Variants in TCF12 observed in about 807,000 individuals in gnomAD.
The protein encoded by TCF12 is transcription factor 12, also known as DNA-binding protein HTF4.
A neutral mutation model predicts 86.0 loss-of-function variants in TCF12; 45 were observed. The observed-to-expected ratio is 0.52, with a 90% CI of 0.41 to 0.67. The LOEUF (loss-of-function observed/expected upper bound fraction) is 0.67, where lower values mean the gene tolerates loss of function less well. Among genes scored for constraint, TCF12 ranks in the 30% least tolerant of loss-of-function variants. The pLI, the probability that TCF12 is intolerant of heterozygous loss-of-function variation, is 0.00. For missense variants in TCF12, 881 were observed against 859.9 expected (o/e 1.02, Z -0.31); for synonymous variants, 330 against 299.6 (o/e 1.10, Z -1.05).
intron 3 of TCF12, among the ~76,000 whole-genome samples, chr15:56,924,847 A>C (rs957071333): frequency 6.6e-6 from 1 of 152,204 alleles, no homozygotes; most frequent in Admixed American, 6.5e-5. Context: ...AAACATAAAA[A>C]TTAGAGACAA....
intron 8 of TCF12, among the ~76,000 whole-genome samples, chr15:57,216,223 A>G (rs188280023): frequency 3.3e-5 from 5 of 152,262 alleles, no homozygotes; most frequent in Non-Finnish European, 7.4e-5. Flanking sequence ...AATAAAAGGT[A>G]TATGGCTCCA....
chr15:57,150,689 G>A (rs1159071671), intron 5 of TCF12, among the ~76,000 whole-genome samples: 1 of 152,070 alleles, frequency 6.6e-6, no homozygotes, highest in East Asian at 1.9e-4. Flanking sequence ...CAAGAGTCCA[G>A]GAAATTAGAG....
chr15:57,273,373 T>A lies in TCF12; in HGVS notation c.1978+111T>A, dbSNP rs553103241. 214 of 1,080,946 alleles carry A rather than the reference T, an allele frequency of 2.0e-4. 1 individual carries two copies. The highest frequency in any genetic ancestry group is 1.5e-3 in the African/African-American group (95 of 63,454). The allele number at this position is 1,080,946 out of a possible 1,614,324, so 67.0% of individuals were successfully genotyped here. A position where few individuals can be genotyped will look rare whatever the true frequency, so the allele number is the denominator to read the frequency against. The stretch of plus-strand genomic sequence containing the variant: ...GTTGTTTGTTATTTCTCCCAGTACT[T>A]CTTCTACTGTATCATCAGGGTCGTT... On this transcript the variant is annotated intron_variant, in intron 19 of 20. Transcript: ENST00000333725.
rs1597207391 is a variant in TCF12, at chr15:57,192,713, A to G, written c.526+420A>G. ...CTGTCTGTGCTTTTAATTAGAAGAG[A>G]GTTGGATTCGTGGGTATCACATTGA... On this transcript the variant is annotated intron_variant, in intron 7 of 20. Coordinates refer to ENST00000333725, the MANE Select transcript of TCF12 (RefSeq NM_207037.2). Among the ~76,000 whole-genome samples, 3 of 152,158 alleles carry G rather than the reference A, an allele frequency of 2.0e-5. No individual in the cohort carries two copies. In the South Asian group the frequency reaches 6.2e-4, roughly 32 times the overall value.
intron 5 of TCF12, among the ~76,000 whole-genome samples, chr15:57,118,065 G>A (rs373733495): frequency 3.9e-5 from 6 of 152,054 alleles, no homozygotes; most frequent in African/African-American, 1.4e-4. Flanking sequence ...AATTTAATTG[G>A]CTCTGCAGTG....
chr15:57,204,162 AGGCATAGT>A (rs2057696547), intron 8 of TCF12, among the ~76,000 whole-genome samples: 2 of 152,302 alleles, frequency 1.3e-5, no homozygotes, highest in South Asian at 4.1e-4. Context: ...TGATGAGGCC[AGGCATAGT>A]GGCTCACGTA....
intron 3 of TCF12, among the ~76,000 whole-genome samples, chr15:56,946,935 T>C (rs143839600): frequency 6.4e-4 from 98 of 151,972 alleles, no homozygotes; most frequent in African/African-American, 2.3e-3. Flanking sequence ...GTTGCTAGGA[T>C]TACAGGCGTA....
chr15:57,190,517 T>G (rs1183439559), intron 6 of TCF12, among the ~76,000 whole-genome samples: 1 of 152,130 alleles, frequency 6.6e-6, no homozygotes, highest in East Asian at 1.9e-4. Context: ...TCACAGTTCT[T>G]TTCACTTGAG....
intron 3 of TCF12, among the ~76,000 whole-genome samples, chr15:56,953,964 A>T (rs2061394565): frequency 1.5e-5 from 2 of 132,460 alleles, no homozygotes; most frequent in Non-Finnish European, 3.2e-5. Context: ...CTTAGTTTGG[A>T]TGTAATTTAG....
At chr15:57,120,218 C>T (rs765604725) in intron 5 of TCF12, among the ~76,000 whole-genome samples, 2 of 152,200 alleles carry the variant, frequency 1.3e-5, no homozygotes, top group Admixed American at 6.5e-5. Flanking sequence ...GAGTTTTCAA[C>T]CCATGCTTGT....
chr15:57,071,347 G>T (rs2069363849), intron 4 of TCF12, among the ~76,000 whole-genome samples: 1 of 151,922 alleles, frequency 6.6e-6, no homozygotes, highest in African/African-American at 2.4e-5. Flanking sequence ...AGGGGTTGAG[G>T]TTGTAGTGAA....
chr15:57,013,140 G>A (rs1263450422), intron 3 of TCF12, among the ~76,000 whole-genome samples: 7 of 152,084 alleles, frequency 4.6e-5, no homozygotes, highest in Non-Finnish European at 1.0e-4. Flanking sequence ...TGGCGTGGCA[G>A]TGTGTTAGGA....
At chr15:56,981,868 A>T (rs2062910839) in intron 3 of TCF12, among the ~76,000 whole-genome samples, 1 of 152,200 alleles carries the variant, frequency 6.6e-6, no homozygotes, top group South Asian at 2.1e-4. Flanking sequence ...TCTCATAAAG[A>T]TCTTCATCAT....
chr15:57,110,616 A>T (rs1043381670), intron 5 of TCF12, among the ~76,000 whole-genome samples: 3 of 152,246 alleles, frequency 2.0e-5, no homozygotes, highest in Non-Finnish European at 4.4e-5. Flanking sequence ...ATAATGCAAG[A>T]GTAGTAATGA....
At chr15:56,921,753 G>A (rs1193017476) in intron 3 of TCF12, among the ~76,000 whole-genome samples, 2 of 151,770 alleles carry the variant, frequency 1.3e-5, no homozygotes, top group Admixed American at 1.3e-4. Context: ...CTCTTTGATG[G>A]GTGCTTTTTA....
intron 8 of TCF12, chr15:57,219,034 A>C (rs567220997): frequency 9.6e-7 from 1 of 1,046,280 alleles, no homozygotes; most frequent in East Asian, 5.6e-5. Context: ...TCAAAGTTGA[A>C]GCAACTTTAG....
At chr15:57,190,593 A>G (rs368418218) in intron 6 of TCF12, among the ~76,000 whole-genome samples, 4 of 152,158 alleles carry the variant, frequency 2.6e-5, no homozygotes, top group East Asian at 3.9e-4. Flanking sequence ...CCTGTCTTTC[A>G]AGTCTCTGTG....
At chr15:56,936,647 A>G (rs1161402860) in intron 3 of TCF12, among the ~76,000 whole-genome samples, 2 of 152,058 alleles carry the variant, frequency 1.3e-5, no homozygotes, top group Admixed American at 1.3e-4. Flanking sequence ...TCTTGAGTTG[A>G]TTTTTGTATA....
intron 6 of TCF12, among the ~76,000 whole-genome samples, chr15:57,182,582 T>C (rs2056421720): frequency 6.6e-6 from 1 of 152,154 alleles, no homozygotes; most frequent in South Asian, 2.1e-4. Context: ...TGATACAGAC[T>C]AAACACAGGA....
Sources: allele counts gnomAD v4.1 joint callset (sites outside exome capture counted in the v4.1 genomes callset), GRCh38; gene constraint gnomAD v4.1.1; transcripts MANE v1.5; gene names NCBI Gene and HGNC (gene_info 2026-07-23, HGNC 2026-07-21).